AKAP1: variants seen among roughly 807,000 people sequenced by gnomAD.
AKAP1 encodes A-kinase anchor protein 1, mitochondrial.
A neutral mutation model predicts 79.8 loss-of-function variants in AKAP1; 32 were observed. That is an observed-to-expected ratio of 0.40 (90% CI 0.30 to 0.54). AKAP1 has a LOEUF of 0.54. Among genes scored for constraint, AKAP1 ranks in the 20% least tolerant of loss-of-function variants. The pLI, the probability that AKAP1 is intolerant of heterozygous loss-of-function variation, is 0.47. For synonymous variants in AKAP1, 416 were observed against 466.7 expected (o/e 0.89, Z 1.40); for missense variants, 961 against 1,138.9 (o/e 0.84, Z 2.25).
intron 1 of AKAP1, among the ~76,000 whole-genome samples, chr17:57,099,882 C>A (rs1914376076): frequency 6.6e-6 from 1 of 152,132 alleles, no homozygotes. Context: ...AAAGCCAGGG[C>A]AGAGGTGCGT....
intron 1 of AKAP1, among the ~76,000 whole-genome samples, chr17:57,098,125 G>A (rs986037692): frequency 1.3e-5 from 2 of 152,246 alleles, no homozygotes; most frequent in Admixed American, 1.3e-4. Context: ...GAGATCCTTT[G>A]GAACCTGGAG....
chr17:57,112,767 C>T (rs1915331861), intron 5 of AKAP1, 149 bp downstream of exon 5: 2 of 1,200,298 alleles, frequency 1.7e-6, no homozygotes, highest in African/African-American at 3.1e-5. Flanking sequence ...GTCGGTTCTG[C>T]TATGGGACTG....
chr17:57,101,275 T>A (rs1205661938), intron 1 of AKAP1, among the ~76,000 whole-genome samples: 1 of 152,008 alleles, frequency 6.6e-6, no homozygotes, highest in African/African-American at 2.4e-5. Context: ...CTCAGCTCAC[T>A]GCAACCTCCG....
In AKAP1 at chr17:57,113,600, T is replaced by C. The variant is rs1470153523; in HGVS notation, c.2104-859T>C. 8.8e-5 allele frequency among the ~76,000 whole-genome samples: 12 copies of C among 137,030 alleles called. No homozygotes were observed. In the East Asian group the frequency reaches 2.4e-3, roughly 28 times the overall value. 89.9% of individuals were successfully genotyped at this position (137,030 alleles called of 152,430 possible). ...TCGGTCGTAGACTCACTCTCTTTTT[T>C]TTTTTTTTTTTTTTTTTTTTGAGAC... On this transcript the variant is annotated intron_variant, in intron 5 of 10. Transcript: ENST00000337714.
At chr17:57,113,906 C>T (rs1263989892) in intron 5 of AKAP1, among the ~76,000 whole-genome samples, 1 of 152,140 alleles carries the variant, frequency 6.6e-6, no homozygotes, top group African/African-American at 2.4e-5. Context: ...ATGGACCTGA[C>T]CTGAGGCCAC....
At chr17:57,095,119 G>A (rs1914017397) in intron 1 of AKAP1, 2 of 152,168 alleles carry the variant, frequency 1.3e-5, no homozygotes, top group African/African-American at 4.8e-5. Context: ...ACTTTCAGTT[G>A]GTCAGTAGCA....
At chr17:57,098,535 A>C (rs150020580) in intron 1 of AKAP1, 81 of 152,296 alleles carry the variant, frequency 5.3e-4, no homozygotes, top group African/African-American at 1.9e-3. Flanking sequence ...GGCCCAGTGC[A>C]GGAAGGAAGA....
At chr17:57,111,672 T>G (rs1173219510) in intron 3 of AKAP1, 126 bp from the exon 4 acceptor site, 1 of 1,221,614 alleles carries the variant, frequency 8.2e-7, no homozygotes, top group Non-Finnish European at 1.2e-6. Context: ...TCCTGGAAAA[T>G]AAATGCTGAC....
rs1915299126 is a variant in AKAP1 at position 57,112,339 on chromosome 17, TA to T, written c.1976-149del. ...TGAAAGGCTTAGATGCCTTTCTTCC[TA>T]AAGCAGAGCTTAAGTGTTTTGTTAC... is the stretch of plus-strand genomic sequence containing the variant. On this transcript the variant is annotated intron_variant, in intron 4 of 10. Coordinates refer to ENST00000337714, the MANE Select transcript of AKAP1 (RefSeq NM_003488.4). 3 of 900,478 alleles carry T rather than the reference TA, an allele frequency of 3.3e-6. No individual in the cohort carries two copies. The African/African-American group carries it at 5.0e-5, about 15-fold the overall frequency. The allele number at this position is 900,478 out of a possible 1,614,324, so 55.8% of individuals were successfully genotyped here.
Position 57,105,823 on chromosome 17 carries a change from G to C in AKAP1, c.359G>C (p.Arg120Pro). The change falls in exon 2 of 11, where the codon CGA becomes CCA. Residue 120 changes from arginine to proline, a missense_variant. Around this residue, in one of 3 missense-constraint regions of AKAP1, gnomAD observed 224 missense variants for 210.2 expected, o/e 1.07. Transcript: ENST00000337714. ...ILPNTTDMRL[R>P]PGTRRDDSTK... ...CCTAACACCACAGACATGAGATTGC[G>C]ACCAGGAACACGCAGAGATGACAGT... The C allele has an allele frequency of 1.2e-6, 2 of 1,614,178 alleles. No individual in the cohort carries two copies. Among genetic ancestry groups the C allele is most frequent in the African/African-American group, 1.3e-5 (1 of 75,024 alleles).
At chr17:57,099,000 C>T (rs1424420358) in intron 1 of AKAP1, among the ~76,000 whole-genome samples, 2 of 151,516 alleles carry the variant, frequency 1.3e-5, no homozygotes, top group South Asian at 2.1e-4. Context: ...GATCTGATCT[C>T]GTGATCTGCC....
chr17:57,092,361 G>T (rs1395734363), intron 1 of AKAP1: 1 of 152,270 alleles, frequency 6.6e-6, no homozygotes, highest in Non-Finnish European at 1.5e-5. Context: ...TATGGTTTAT[G>T]TTGGCTGGAG....
chr17:57,121,343 AACTGC>A (rs1224483537), exon 11 of AKAP1: 3 of 145,554 alleles, frequency 2.1e-5, no homozygotes, highest in Non-Finnish European at 4.5e-5. Context: ...CAATTGTATG[AACTGC>A]AGCTTTGAGT....
Position 57,116,134 on chromosome 17 carries a change from G to C in AKAP1, c.2305G>C (p.Gly769Arg). 1 of 1,613,702 alleles carries C rather than the reference G, an allele frequency of 6.2e-7. No individual in the cohort carries two copies. Among genetic ancestry groups the C allele is most frequent in the Non-Finnish European group, 8.5e-7 (1 of 1,180,016 alleles). The part of the protein sequence containing the change: ...VEITVICAAP[G>R]ADGAWWRAQV... ...AGTAACGGTCATCTGTGCCGCCCCT[G>C]GTGCGGACGGGGCCTGGTGGCGAGC... Residue 769 changes from glycine (G) to arginine (R), a missense_variant, in exon 7 of 11, where the codon GGT (glycine) becomes CGT (arginine). Transcript: ENST00000337714.
chr17:57,091,143 C>T (rs562415675), intron 1 of AKAP1, among the ~76,000 whole-genome samples: 35 of 152,242 alleles, frequency 2.3e-4, no homozygotes, highest in Non-Finnish European at 4.3e-4. Flanking sequence ...GAAAAAGGAG[C>T]AGGAGTGATT....
intron 2 of AKAP1, among the ~76,000 whole-genome samples, chr17:57,107,518 G>T (rs1914970232): frequency 6.6e-6 from 1 of 152,110 alleles, no homozygotes; most frequent in East Asian, 1.9e-4. Flanking sequence ...TATTATTTTG[G>T]TGCAGATGGA....
chr17:57,110,816 G>A (rs1410869818), intron 3 of AKAP1, among the ~76,000 whole-genome samples: 2 of 152,122 alleles, frequency 1.3e-5, no homozygotes, highest in Non-Finnish European at 2.9e-5. Flanking sequence ...TACTTCATCA[G>A]TCCCCCATTC....
rs1385063583 is a variant in AKAP1 at position 57,086,102 on chromosome 17, G to C, written c.-25+704G>C. 3.9e-6 allele frequency: 1 copy of C among 253,404 alleles called. No homozygotes were observed. Among genetic ancestry groups the C allele is most frequent in the African/African-American group, 2.4e-5 (1 of 42,142 alleles). The allele number at this position is 253,404 out of a possible 1,614,324, so 15.7% of individuals were successfully genotyped here. On this transcript the variant is annotated intron_variant, in intron 1 of 10. Transcript: ENST00000337714. This position sits in a 1 kb window ranked among gnomAD's most constrained non-coding sequence, Gnocchi z 5.1. ...CGGAGGCTCAGGGGCGTCTCGGGGGGAATTTGCATTCGTAGCCCCTGCAGG... is the reference window on the plus strand; with the variant it reads ...CGGAGGCTCAGGGGCGTCTCGGGGGCAATTTGCATTCGTAGCCCCTGCAGG...
At chr17:57,116,784 A>T in intron 7 of AKAP1, 76 bp from the exon 8 acceptor site, 5 of 1,401,482 alleles carry the variant, frequency 3.6e-6, no homozygotes, top group Non-Finnish European at 5.1e-6. Context: ...GCGTCACTGT[A>T]CAAAGATGAA....
Sources: gnomAD v4.1 joint callset for allele counts (sites outside exome capture counted in the v4.1 genomes callset) on GRCh38, gnomAD v4.1.1 for gene constraint, gnomAD v4.1.1 regional missense constraint, Gnocchi (gnomAD v3.1) non-coding constraint, MANE v1.5 for transcripts, NCBI Gene and HGNC (gene_info 2026-07-23, HGNC 2026-07-21) for gene names.